The following PDS5B variants were observed in gnomAD, a reference collection of about 807,000 sequenced individuals.
The protein encoded by PDS5B is sister chromatid cohesion protein PDS5 homolog B.
In PDS5B, 51 loss-of-function variants were observed where a neutral mutation model predicts 184.1. The observed-to-expected ratio is 0.28, with a 90% CI of 0.22 to 0.35. The LOEUF is 0.35. PDS5B is among the 10% of genes least tolerant of loss of function. The pLI is 1.00. For synonymous variants in PDS5B, 566 were observed against 569.2 expected (o/e 0.99, Z 0.08); for missense variants, 1,180 against 1,723.3 (o/e 0.68, Z 5.58).
chr13:32,613,603 T>C (rs569202169), intron 1 of PDS5B, among the ~76,000 whole-genome samples: 1 of 152,358 alleles, frequency 6.6e-6, no homozygotes, highest in Non-Finnish European at 1.5e-5. Flanking sequence ...TACTATTCAG[T>C]TGTAATAAAG....
chr13:32,603,003 C>G (rs1177796607), intron 1 of PDS5B, among the ~76,000 whole-genome samples: 1 of 152,182 alleles, frequency 6.6e-6, no homozygotes, highest in African/African-American at 2.4e-5. Context: ...AGCCCTTTGT[C>G]AGATGGGTAG....
Position 32,741,141 on chromosome 13 carries a change from T to C in PDS5B, c.2468T>C (p.Met823Thr). The change falls in exon 22 of 35, where the codon ATG becomes ACG. Residue 823 changes from methionine (M) to threonine (T), a missense_variant. Coordinates refer to ENST00000315596, the MANE Select transcript of PDS5B (RefSeq NM_015032.4). ...VPDEEVSPET[M>T]VKIQAIKMMV... ...GATGAAGAAGTATCTCCTGAGACAA[T>C]GGTCAAAGTGAGTAATGTGCATAGA... The C allele has an allele frequency of 6.6e-7, 1 of 1,524,784 alleles. No individual in the cohort carries two copies. The allele number at this position is 1,524,784 out of a possible 1,614,324, so 94.5% of individuals were successfully genotyped here.
At chr13:32,655,323 ATCT>A (rs1177546634) in intron 3 of PDS5B, among the ~76,000 whole-genome samples, 2 of 133,814 alleles carry the variant, frequency 1.5e-5, no homozygotes, top group African/African-American at 5.7e-5. Context: ...CCATACGTAC[ATCT>A]TCTTTTGAAA....
At chr13:32,715,815 C>T (rs1277026368) in intron 19 of PDS5B, among the ~76,000 whole-genome samples, 3 of 152,212 alleles carry the variant, frequency 2.0e-5, no homozygotes, top group Non-Finnish European at 2.9e-5. Flanking sequence ...CGCGCCGCCA[C>T]GCCTGACTGG....
At position 32,687,201 on chromosome 13, in the gene PDS5B, C is replaced by T. The variant is rs187063067; in HGVS notation, c.1271C>T (p.Ala424Val). 11 of 1,609,238 alleles carry T rather than the reference C, an allele frequency of 6.8e-6. No individual in the cohort carries two copies. In the African/African-American group the frequency reaches 8.0e-5, roughly 12 times the overall value. The stretch of plus-strand genomic sequence containing the variant: ...TATAAGAAATATGCTTTACAGTCAG[C>T]AGCTGGAAAAGATGCTGCAAAACAG... ...QIYKKYALQSAAGKDAAKQIA... is the reference protein window; with the variant it reads ...QIYKKYALQSVAGKDAAKQIA... Residue 424 changes from alanine (A) to valine (V), a missense_variant, in exon 12 of 35, where the codon GCA (alanine) becomes GTA (valine). By Grantham distance (64) the Ala-to-Val change is moderately conservative. Coordinates refer to ENST00000315596, the MANE Select transcript of PDS5B (RefSeq NM_015032.4).
chr13:32,736,369 A>G (rs1243714364), intron 21 of PDS5B, among the ~76,000 whole-genome samples: 2 of 151,706 alleles, frequency 1.3e-5, no homozygotes, highest in Admixed American at 6.6e-5. Flanking sequence ...ATTTTACCTT[A>G]ATTTTTTAAA....
chr13:32,761,939 C>G (rs1020514300), intron 30 of PDS5B, among the ~76,000 whole-genome samples: 1 of 152,188 alleles, frequency 6.6e-6, no homozygotes, highest in African/African-American at 2.4e-5. Context: ...TATAAGCGTT[C>G]TGTTTTCTCT....
chr13:32,623,195 G>A (rs1159547795), intron 1 of PDS5B, among the ~76,000 whole-genome samples: 1 of 152,172 alleles, frequency 6.6e-6, no homozygotes, highest in Non-Finnish European at 1.5e-5. Context: ...AGAATTCAAA[G>A]TCTGAAAAAT....
intron 25 of PDS5B, among the ~76,000 whole-genome samples, chr13:32,754,378 T>C (rs1452942563): frequency 6.6e-6 from 1 of 152,154 alleles, no homozygotes; most frequent in African/African-American, 2.4e-5. Context: ...TTCTTTCTGC[T>C]CCCTATTATG....
At chr13:32,619,685 T>C (rs923483336) in intron 1 of PDS5B, among the ~76,000 whole-genome samples, 1 of 152,218 alleles carries the variant, frequency 6.6e-6, no homozygotes, top group Non-Finnish European at 1.5e-5. Flanking sequence ...ATTTTCCAGC[T>C]CTATTATAAT....
intron 19 of PDS5B, among the ~76,000 whole-genome samples, chr13:32,731,155 A>T (rs1289804609): frequency 1.3e-5 from 2 of 151,718 alleles, no homozygotes; most frequent in Non-Finnish European, 2.9e-5. Context: ...AGGCCTTTAC[A>T]TGTTAGGAAT....
At chr13:32,605,548 G>C (rs971737589) in intron 1 of PDS5B, among the ~76,000 whole-genome samples, 1 of 152,208 alleles carries the variant, frequency 6.6e-6, no homozygotes, top group South Asian at 2.1e-4. Flanking sequence ...TATATATTCT[G>C]TTGATTTGGG....
chr13:32,641,217 T>C (rs554850640), intron 1 of PDS5B, among the ~76,000 whole-genome samples: 39 of 152,310 alleles, frequency 2.6e-4, no homozygotes, highest in African/African-American at 8.7e-4. Flanking sequence ...TCCCCAAAGA[T>C]GAAAGGAACT....
chr13:32,654,464 A>G (rs901531537), intron 3 of PDS5B, among the ~76,000 whole-genome samples: 5 of 152,212 alleles, frequency 3.3e-5, no homozygotes, highest in Non-Finnish European at 4.4e-5. Flanking sequence ...GGAAGGGTTC[A>G]TTCATAGAGA....
intron 1 of PDS5B, among the ~76,000 whole-genome samples, chr13:32,591,173 G>T (rs1372946708): frequency 6.6e-6 from 1 of 151,830 alleles, no homozygotes; most frequent in African/African-American, 2.4e-5. Context: ...CCGTTGCCCA[G>T]ACTGGAGTGC....
chr13:32,692,414 C>CTATTTTTTT (rs1593440334), intron 13 of PDS5B, among the ~76,000 whole-genome samples: 7 of 69,124 alleles, frequency 1.0e-4, no homozygotes, highest in African/African-American at 3.0e-4. Flanking sequence ...GTCCAAAAAG[C>CTATTTTTTT]CTTTTTTTTT....
intron 6 of PDS5B, among the ~76,000 whole-genome samples, chr13:32,666,280 G>A (rs1398959430): frequency 1.3e-5 from 2 of 152,098 alleles, no homozygotes; most frequent in African/African-American, 4.8e-5. Context: ...GTTTTGCCAT[G>A]TTGACCAGGC....
chr13:32,757,697 A>C (rs1241605820), intron 26 of PDS5B, among the ~76,000 whole-genome samples: 1 of 152,198 alleles, frequency 6.6e-6, no homozygotes, highest in Non-Finnish European at 1.5e-5. Flanking sequence ...AGTTCCCATC[A>C]GGACTGTAGT....
At chr13:32,663,612 GT>G (rs1950708791) in intron 6 of PDS5B, among the ~76,000 whole-genome samples, 1 of 152,154 alleles carries the variant, frequency 6.6e-6, no homozygotes, top group Non-Finnish European at 1.5e-5. Context: ...GTATTTAATG[GT>G]GAAATGTTGA....
Sources: allele counts gnomAD v4.1 joint callset (sites outside exome capture counted in the v4.1 genomes callset), GRCh38; gene constraint gnomAD v4.1.1; transcripts MANE v1.5; gene names NCBI Gene and HGNC (gene_info 2026-07-23, HGNC 2026-07-21).